Variants in FPGT observed in about 807,000 individuals in gnomAD.
The protein encoded by FPGT is GDP-L-fucose diphosphorylase.
In FPGT, 41 loss-of-function variants were observed where a neutral mutation model predicts 45.8. The observed-to-expected ratio is 0.90, with a 90% confidence interval of 0.70 to 1.16. The LOEUF is 1.16. Among genes scored for constraint, FPGT ranks in the 50% most tolerant of loss-of-function variants. FPGT has a pLI of 0.00. For missense variants in FPGT, 755 were observed against 689.1 expected, an observed-to-expected ratio of 1.10 and a Z score of -1.07; for synonymous variants, 292 against 247.2, an observed-to-expected ratio of 1.18 and a Z score of -1.70.
Position 74,204,733 on chromosome 1 carries a change from A to G in FPGT, c.686A>G (p.His229Arg). 3.7e-6 allele frequency: 6 copies of G among 1,614,122 alleles called. No individual in the cohort carries two copies. The highest frequency in any genetic ancestry group is 5.1e-6 in the Non-Finnish European group (6 of 1,179,996). ...TACAGGTCTTGCCATCGTTTCCTTCATAAGCCCAGCATAGAAAAGATGTAT... is the reference window on the plus strand; with the variant it reads ...TACAGGTCTTGCCATCGTTTCCTTCGTAAGCCCAGCATAGAAAAGATGTAT... Reference protein sequence around the residue: ...LEYRSCHRFLHKPSIEKMYQF... With the variant: ...LEYRSCHRFLRKPSIEKMYQF... Residue 229 changes from histidine (H) to arginine (R), a missense_variant, in exon 4 of 4, where the codon CAT becomes CGT. Physicochemically the swap from His to Arg is conservative, Grantham distance 29. Transcript: ENST00000370898.
Position 74,199,697 on chromosome 1 carries a change from T to C in FPGT, c.116T>C (p.Ile39Thr). 2 of 1,613,988 alleles carry C rather than the reference T, an allele frequency of 1.2e-6. No homozygotes were observed. The highest frequency in any genetic ancestry group is 1.3e-5 in the African/African-American group (1 of 75,054). Reference protein sequence around the residue: ...KLVARGEFWDIVAITAADEKQ... With the variant: ...KLVARGEFWDTVAITAADEKQ... ...GTAGCACGTGGAGAATTCTGGGACATAGTTGCAATAACAGCGGCTGATGAA... is the reference window on the plus strand; with the variant it reads ...GTAGCACGTGGAGAATTCTGGGACACAGTTGCAATAACAGCGGCTGATGAA... Residue 39 changes from isoleucine to threonine, a missense_variant, in exon 2 of 4, where the codon ATA (isoleucine) becomes ACA (threonine). Physicochemically the swap from Ile to Thr is moderately conservative, Grantham distance 89 (BLOSUM62 -1). Transcript: ENST00000370898.
intron 3 of FPGT, 119 bp downstream of exon 3, chr1:74,201,529 TTC>T: frequency 1.5e-6 from 1 of 651,996 alleles, no homozygotes; most frequent in South Asian, 2.6e-5. Flanking sequence ...TTTGAAGTTA[TTC>T]TGCTTTGAAA....
At position 74,201,325 on chromosome 1, in the gene FPGT, A is replaced by G; in HGVS notation, c.258A>G (p.Gly86=). The G allele has an allele frequency of 6.2e-7, 1 of 1,608,244 alleles. No homozygotes were observed. The highest frequency in any genetic ancestry group is 1.3e-5 in the African/African-American group (1 of 74,730). Residue 86 remains glycine (G), a synonymous_variant, in exon 3 of 4, where the codon GGA becomes GGG. Transcript: ENST00000370898. Reference sequence around the variant, plus strand: ...TTTAACTTTGTTTTTAAGGAAATGGAGGATCAACACTTTGTGCCCTTCAAT... The same window carrying G: ...TTTAACTTTGTTTTTAAGGAAATGGGGGATCAACACTTTGTGCCCTTCAAT... ...VDPAGAKIGN[G]GSTLCALQCL...
At position 74,207,705 on chromosome 1, in the gene FPGT, AGT is replaced by A. The variant is rs1652394841; in HGVS notation, c.*1875_*1876del. Among the ~76,000 whole-genome samples the A allele has an allele frequency of 6.6e-6, 1 of 152,016 alleles. No homozygotes were observed. The highest frequency in any genetic ancestry group is 1.5e-5 in the Non-Finnish European group (1 of 67,938). Reference sequence around the variant, plus strand: ...AAAATTAATTGTTTGGTAAACCAGAAGTGACCTGTCTGAAGCCCTCAATTGTG... The same window carrying A: ...AAAATTAATTGTTTGGTAAACCAGAAGACCTGTCTGAAGCCCTCAATTGTG... On this transcript the variant is annotated 3_prime_UTR_variant, in exon 4 of 4. Coordinates refer to ENST00000370898, the MANE Select transcript of FPGT (RefSeq NM_003838.5).
At chr1:74,203,715 G>C (rs899723255) in intron 3 of FPGT, among the ~76,000 whole-genome samples, 2 of 151,212 alleles carry the variant, frequency 1.3e-5, no homozygotes, top group African/African-American at 4.9e-5. Context: ...TTCTTAATTA[G>C]AAGTCTAAAC....
chr1:74,205,110 A>T lies in FPGT; in HGVS notation c.1063A>T (p.Lys355Ter), dbSNP rs1652155433. The change falls in exon 4 of 4, where the codon AAA becomes TAA. Residue 355 changes from lysine to a stop codon, truncating the protein, a stop_gained. Coordinates refer to ENST00000370898, the MANE Select transcript of FPGT (RefSeq NM_003838.5). LOFTEE classifies it high-confidence loss of function. ...AAATGTTGTTGTTCTTAATAACTCCAAATTTTATCACATTGGAACAACCGA... is the reference window on the plus strand; with the variant it reads ...AAATGTTGTTGTTCTTAATAACTCCTAATTTTATCACATTGGAACAACCGA... The part of the protein sequence containing the change: ...SLNVVVLNNS[K>*]FYHIGTTEEY... 1 of 1,613,766 alleles carries T rather than the reference A, an allele frequency of 6.2e-7. No homozygotes were observed. The highest frequency in any genetic ancestry group is 1.3e-5 in the African/African-American group (1 of 74,914).
rs772647312 is a variant in FPGT at position 74,198,311 on chromosome 1, G to C, written c.33G>C (p.Ser11=). MAAARDPPEV[S]LREATQRKLR... ...CTGCTAGGGACCCTCCGGAAGTATC[G>C]CTGCGAGAAGCCACCCAGCGAAAAT... Residue 11 remains serine, a synonymous_variant, in exon 1 of 4, where the codon TCG becomes TCC. Transcript: ENST00000370898. 6.2e-7 allele frequency: 1 copy of C among 1,614,132 alleles called. No individual in the cohort carries two copies. Among genetic ancestry groups the C allele is most frequent in the South Asian group, 1.1e-5 (1 of 91,078 alleles).
In FPGT at chr1:74,204,435, A is replaced by C; in HGVS notation, c.388A>C (p.Ile130Leu). The C allele has an allele frequency of 6.3e-7, 1 of 1,598,012 alleles. No homozygotes were observed. Among genetic ancestry groups the C allele is most frequent in the Non-Finnish European group, 8.5e-7 (1 of 1,171,864 alleles). ...TCCAAATGCAAGTGCTCTGGGAAAA[A>C]TTTTCACTGCTTTACCTCTTGGTAA... Reference protein sequence around the residue: ...RLPNASALGKIFTALPLGNPI... With the variant: ...RLPNASALGKLFTALPLGNPI... Residue 130 changes from isoleucine (I) to leucine (L), a missense_variant, in exon 4 of 4, where the codon ATT becomes CTT. Ile to Leu is a conservative substitution (Grantham distance 5). Coordinates refer to ENST00000370898, the MANE Select transcript of FPGT (RefSeq NM_003838.5).
intron 1 of FPGT, among the ~76,000 whole-genome samples, chr1:74,199,301 G>C (rs1213873983): frequency 6.6e-6 from 1 of 152,178 alleles, no homozygotes; most frequent in African/African-American, 2.4e-5. Flanking sequence ...CTGGAGATTT[G>C]TTTATGTTTA....
chr1:74,198,509 T>C lies in FPGT; in HGVS notation c.82+149T>C, dbSNP rs1179193361. The C allele has an allele frequency of 6.3e-6, 7 of 1,117,864 alleles. No homozygotes were observed. In the East Asian group the frequency reaches 1.3e-4, roughly 21 times the overall value. The allele number at this position is 1,117,864 out of a possible 1,614,324, so 69.2% of individuals were successfully genotyped here. A position where few individuals can be genotyped will look rare whatever the true frequency, so the allele number is the denominator to read the frequency against. On this transcript the variant is annotated intron_variant, in intron 1 of 3. Coordinates refer to ENST00000370898, the MANE Select transcript of FPGT (RefSeq NM_003838.5). ...AGGAGTAGCTAGCTAATAATCCTTT[T>C]GAGTTTTTTATTCTTTTCACTGTCC...
At chr1:74,204,303 T>A in intron 3 of FPGT, 88 bp from the exon 4 acceptor site, 1 of 784,630 alleles carries the variant, frequency 1.3e-6, no homozygotes, top group Non-Finnish European at 1.9e-6. Context: ...TTTTGATTTG[T>A]AACTTATGGG....
At position 74,207,684 on chromosome 1, in the gene FPGT, T is replaced by C. The variant is rs199766669; in HGVS notation, c.*1852T>C. 1.7e-4 allele frequency among the ~76,000 whole-genome samples: 7 copies of C among 40,536 alleles called. No individual in the cohort carries two copies. The East Asian group carries it at 0.018, about 102-fold the overall frequency. 26.6% of individuals were successfully genotyped at this position (40,536 alleles called of 152,430 possible). On this transcript the variant is annotated 3_prime_UTR_variant, in exon 4 of 4. Coordinates refer to ENST00000370898, the MANE Select transcript of FPGT (RefSeq NM_003838.5). ...TCATATTAACATGTCAATATGAAAA[T>C]TAATTGTTTGGTAAACCAGAAGTGA...
chr1:74,202,901 G>A (rs1651925925), intron 3 of FPGT, among the ~76,000 whole-genome samples: 1 of 152,110 alleles, frequency 6.6e-6, no homozygotes, highest in African/African-American at 2.4e-5. Context: ...AGGATCATCA[G>A]TATCACTACC....
At chr1:74,199,569 A>G in intron 1 of FPGT, 95 bp from the exon 2 acceptor site, 2 of 1,354,916 alleles carry the variant, frequency 1.5e-6, no homozygotes, top group Non-Finnish European at 2.0e-6. Flanking sequence ...GATAATGGAT[A>G]TTACCTTCTT....
intron 2 of FPGT, among the ~76,000 whole-genome samples, chr1:74,200,359 A>G (rs985888443): frequency 1.4e-4 from 21 of 152,174 alleles, no homozygotes; most frequent in African/African-American, 4.8e-4. Context: ...GCTCTTTTCT[A>G]TGTGATACTT....
At position 74,206,129 on chromosome 1, in the gene FPGT, A is replaced by G. The variant is rs1017550193; in HGVS notation, c.*297A>G. 5.6e-5 allele frequency: 12 copies of G among 212,900 alleles called. No homozygotes were observed. Among genetic ancestry groups the G allele is most frequent in the African/African-American group, 1.8e-4 (8 of 43,528 alleles). 13.2% of individuals were successfully genotyped at this position (212,900 alleles called of 1,614,324 possible). A position where few individuals can be genotyped will look rare whatever the true frequency, so the allele number is the denominator to read the frequency against. Reference sequence around the variant, plus strand: ...GTTTTAAAGGTAATTTTCTAAGCATACCTTTGGAATTTTTCCATCTTTTTT... The same window carrying G: ...GTTTTAAAGGTAATTTTCTAAGCATGCCTTTGGAATTTTTCCATCTTTTTT... On this transcript the variant is annotated 3_prime_UTR_variant, in exon 4 of 4. Transcript: ENST00000370898.
In FPGT at chr1:74,205,008, T is replaced by C. The variant is rs1355742759; in HGVS notation, c.961T>C (p.Ser321Pro). The C allele has an allele frequency of 6.2e-7, 1 of 1,613,798 alleles. No homozygotes were observed. Among genetic ancestry groups the C allele is most frequent in the East Asian group, 2.2e-5 (1 of 44,882 alleles). Residue 321 changes from serine (S) to proline (P), a missense_variant, in exon 4 of 4, where the codon TCA becomes CCA. Ser to Pro is a moderately conservative substitution (Grantham distance 74). Transcript: ENST00000370898. ...GATVEYTRNT[S>P]NVIKEESELV... ...AACTGTGGAGTACACCAGAAACACA[T>C]CAAATGTCATTAAAGAAGAGTCAGA...
chr1:74,207,902 A>AT lies in FPGT; in HGVS notation c.*2071dup, dbSNP rs1652411820. 6.6e-6 allele frequency among the ~76,000 whole-genome samples: 1 copy of AT among 152,076 alleles called. No homozygotes were observed. The highest frequency in any genetic ancestry group is 1.5e-5 in the Non-Finnish European group (1 of 67,960). On this transcript the variant is annotated 3_prime_UTR_variant, in exon 4 of 4. Transcript: ENST00000370898. ...TGAATTTTAATCATAATCCTGTACA[A>AT]TGCATGGATTCTGGTTGCTTTGAAA...
At chr1:74,200,497 C>CTTTTTTTTTTTTTTTTTTT (rs202228945) in intron 2 of FPGT, among the ~76,000 whole-genome samples, 1 of 106,566 alleles carries the variant, frequency 9.4e-6, no homozygotes, top group African/African-American at 4.3e-5. Flanking sequence ...GTTATTATTT[C>CTTTTTTTTTTTTTTTTTTT]TTTTTTTTTT....
Sources: gnomAD v4.1 joint callset for allele counts (sites outside exome capture counted in the v4.1 genomes callset) on GRCh38, gnomAD v4.1.1 for gene constraint, MANE v1.5 for transcripts, NCBI Gene and HGNC (gene_info 2026-07-23, HGNC 2026-07-21) for gene names.